RIMS3: variants seen among roughly 807,000 people sequenced by gnomAD.
RIMS3 encodes the protein regulating synaptic membrane exocytosis 3.
A neutral mutation model predicts 29.2 loss-of-function variants in RIMS3; 15 were observed. That is an observed-to-expected ratio of 0.51 (90% confidence interval 0.34 to 0.79). The LOEUF is 0.79. Ranked by LOEUF, RIMS3 falls within the 30% of genes least tolerant of loss-of-function variation. The pLI, the probability that RIMS3 is intolerant of heterozygous loss-of-function variation, is 0.01. For synonymous variants in RIMS3, 161 were observed against 170.1 expected, an observed-to-expected ratio of 0.95 and a Z score of 0.41; for missense variants, 342 against 421.4, an observed-to-expected ratio of 0.81 and a Z score of 1.65.
At chr1:40,629,439 C>T in intron 5 of RIMS3, 67 bp from the exon 6 acceptor site, 1 of 1,275,790 alleles carries the variant, frequency 7.8e-7, no homozygotes. Flanking sequence ...AGCTGCTGTA[C>T]TGAATGCCAG....
chr1:40,645,938 C>T (rs1219309617), intron 2 of RIMS3, among the ~76,000 whole-genome samples: 3 of 152,098 alleles, frequency 2.0e-5, no homozygotes, highest in Non-Finnish European at 4.4e-5. Flanking sequence ...CAGGCCACTC[C>T]CCAAGGGGCA....
At chr1:40,644,571 G>C (rs1176695637) in intron 2 of RIMS3, among the ~76,000 whole-genome samples, 1 of 152,190 alleles carries the variant, frequency 6.6e-6, no homozygotes, top group Non-Finnish European at 1.5e-5. Flanking sequence ...CTAGGGAAGA[G>C]GACAGAGGGC....
rs1646431735 is a variant in RIMS3 at position 40,622,930 on chromosome 1, C to T, written c.*3587G>A. On this transcript the variant is annotated 3_prime_UTR_variant, in exon 8 of 8. Coordinates refer to ENST00000372684, the MANE Select transcript of RIMS3 (RefSeq NM_014747.3). Reference sequence around the variant, plus strand: ...CGTAGGCTAAGATTGTGCTACATTTCATTTCCAAAGAAGTACCCTTGGAGG... The same window carrying T: ...CGTAGGCTAAGATTGTGCTACATTTTATTTCCAAAGAAGTACCCTTGGAGG... The T allele has an allele frequency of 6.5e-6, 1 of 153,214 alleles. No individual in the cohort carries two copies. Among genetic ancestry groups the T allele is most frequent in the Admixed American group, 6.5e-5 (1 of 15,296 alleles). The allele number at this position is 153,214 out of a possible 1,614,324, so 9.5% of individuals were successfully genotyped here. A position where few individuals can be genotyped will look rare whatever the true frequency, so the allele number is the denominator to read the frequency against.
In RIMS3 at chr1:40,663,641, G is replaced by A. The variant is rs1480858676; in HGVS notation, c.-207+1753C>T. Among the ~76,000 whole-genome samples the A allele has an allele frequency of 8.5e-5, 13 of 152,328 alleles. No homozygotes were observed. The East Asian group carries it at 1.7e-3, about 20-fold the overall frequency. ...AGGAAGTTGGGAAGCCCAGAGAGTA[G>A]CAGCTTTAGGCCTGGGTTCTGCGCA... On this transcript the variant is annotated intron_variant, in intron 1 of 7. Transcript: ENST00000372684.
intron 2 of RIMS3, among the ~76,000 whole-genome samples, chr1:40,645,289 G>C (rs1378184468): frequency 6.6e-6 from 1 of 152,146 alleles, no homozygotes; most frequent in African/African-American, 2.4e-5. Flanking sequence ...ACTCTGCCAC[G>C]GTGTAGGTCT....
intron 5 of RIMS3, among the ~76,000 whole-genome samples, chr1:40,631,773 C>A (rs1396381999): frequency 4.6e-5 from 7 of 152,044 alleles, no homozygotes; most frequent in Admixed American, 4.6e-4. Flanking sequence ...GAGTTCCAGA[C>A]TAGCCTGGCC....
chr1:40,662,297 C>A (rs1044956787), intron 1 of RIMS3, among the ~76,000 whole-genome samples: 24 of 152,150 alleles, frequency 1.6e-4, no homozygotes, highest in African/African-American at 5.1e-4. Context: ...CTTCCTCATC[C>A]CTTCTTCGCC....
rs942590954 is a variant in RIMS3 at position 40,621,354 on chromosome 1, T to A, written c.*5163A>T. 17 of 152,180 alleles carry A rather than the reference T, an allele frequency of 1.1e-4. No individual in the cohort carries two copies. The highest frequency in any genetic ancestry group is 9.8e-4 in the Admixed American group (15 of 15,274). The allele number at this position is 152,180 out of a possible 1,614,324, so 9.4% of individuals were successfully genotyped here. A position where few individuals can be genotyped will look rare whatever the true frequency, so the allele number is the denominator to read the frequency against. ...GTAGATGACCCTTAATTATGTCTCA[T>A]CATTACACAAGAATAAAAGAGGGAG... On this transcript the variant is annotated 3_prime_UTR_variant, in exon 8 of 8. Coordinates refer to ENST00000372684, the MANE Select transcript of RIMS3 (RefSeq NM_014747.3).
At chr1:40,676,472 G>A in the RIMS3 span, among the ~76,000 whole-genome samples, 1 of 152,114 alleles carries the variant, frequency 6.6e-6, no homozygotes, top group Non-Finnish European at 1.5e-5. Flanking sequence ...GATACAATTC[G>A]ACTCCTCCTT....
At chr1:40,629,032 T>C in intron 6 of RIMS3, 83 bp from the exon 7 acceptor site, 1 of 1,554,870 alleles carries the variant, frequency 6.4e-7, no homozygotes. Flanking sequence ...CCAGGTGATC[T>C]TGGAGGTGAG....
intron 1 of RIMS3, among the ~76,000 whole-genome samples, chr1:40,649,772 C>T (rs1207101655): frequency 6.6e-6 from 1 of 152,152 alleles, no homozygotes; most frequent in Non-Finnish European, 1.5e-5. Flanking sequence ...TTCTCCTCCA[C>T]CCAGCCTGGC....
intron 2 of RIMS3, among the ~76,000 whole-genome samples, chr1:40,643,015 C>A (rs1475774071): frequency 6.6e-6 from 1 of 152,076 alleles, no homozygotes; most frequent in Non-Finnish European, 1.5e-5. Context: ...ACTATGTATG[C>A]TACCGTGATA....
At chr1:40,651,602 CT>C (rs925355658) in intron 1 of RIMS3, among the ~76,000 whole-genome samples, 10 of 152,224 alleles carry the variant, frequency 6.6e-5, no homozygotes, top group African/African-American at 2.4e-4. Context: ...ACCCCGCCCC[CT>C]GGCTGTGAGC....
intron 1 of RIMS3, among the ~76,000 whole-genome samples, chr1:40,659,716 G>A (rs1385297813): frequency 1.3e-5 from 2 of 152,200 alleles, no homozygotes; most frequent in African/African-American, 4.8e-5. Flanking sequence ...GCTTCCCTGC[G>A]GAAATGACGT....
intron 1 of RIMS3, among the ~76,000 whole-genome samples, chr1:40,649,999 T>C (rs12728027): frequency 0.37 from 55,577 of 151,874 alleles, 11,378 homozygotes; most frequent in African/African-American, 0.56. Context: ...CCTACAAGAC[T>C]GAGCCCCTGA....
Position 40,641,970 on chromosome 1 carries a change from G to C in RIMS3, c.-31-14C>G. On this transcript the variant is annotated splice_polypyrimidine_tract_variant and intron_variant, in intron 2 of 7. Coordinates refer to ENST00000372684, the MANE Select transcript of RIMS3 (RefSeq NM_014747.3). ...CCTCAGGCAGCTCTGAAGATGGGCA[G>C]GAAACAAAAGGATCCCACATCAGAC... 6.7e-7 allele frequency: 1 copy of C among 1,493,066 alleles called. No homozygotes were observed. The highest frequency in any genetic ancestry group is 9.3e-7 in the Non-Finnish European group (1 of 1,076,040). 92.5% of individuals were successfully genotyped at this position (1,493,066 alleles called of 1,614,324 possible).
intron 1 of RIMS3, among the ~76,000 whole-genome samples, chr1:40,655,140 C>T (rs182726270): frequency 1.5e-4 from 23 of 152,284 alleles, no homozygotes; most frequent in African/African-American, 5.3e-4. Context: ...CAGCACAAAG[C>T]GGTGGACAAA....
At chr1:40,627,064 T>C (rs1456039123) in intron 7 of RIMS3, among the ~76,000 whole-genome samples, 1 of 152,162 alleles carries the variant, frequency 6.6e-6, no homozygotes, top group African/African-American at 2.4e-5. Context: ...GATTAGGACC[T>C]GGGTGTGTGA....
rs145782981 is a variant in RIMS3 at position 40,626,145 on chromosome 1, C to T, written c.*372G>A. 7 of 344,962 alleles carry T rather than the reference C, an allele frequency of 2.0e-5. No individual in the cohort carries two copies. Among genetic ancestry groups the T allele is most frequent in the African/African-American group, 6.3e-5 (3 of 47,342 alleles). The allele number at this position is 344,962 out of a possible 1,614,324, so 21.4% of individuals were successfully genotyped here. A position where few individuals can be genotyped will look rare whatever the true frequency, so the allele number is the denominator to read the frequency against. On this transcript the variant is annotated 3_prime_UTR_variant, in exon 8 of 8. Transcript: ENST00000372684. ...GCCCCAGGCCAGGACCAGGCAGCAC[C>T]GACCAGTGGCCGCATGCCCCACCTC...
Sources: allele counts gnomAD v4.1 joint callset (sites outside exome capture counted in the v4.1 genomes callset), GRCh38; gene constraint gnomAD v4.1.1; transcripts MANE v1.5; gene names NCBI Gene and HGNC (gene_info 2026-07-23, HGNC 2026-07-21).